Variants in FTH1 observed in about 807,000 individuals in gnomAD.
FTH1 encodes the protein ferritin heavy chain 1.
A neutral mutation model predicts 21.8 loss-of-function variants in FTH1; 3 were observed. That is an observed-to-expected ratio of 0.14 (90% CI 0.06 to 0.36). The LOEUF is 0.36. Ranked by LOEUF, FTH1 falls within the 10% of genes least tolerant of loss-of-function variation. The pLI is 1.00. For synonymous variants in FTH1, 83 were observed against 90.1 expected (o/e 0.92, Z 0.45); for missense variants, 147 against 225.8 (o/e 0.65, Z 2.24).
chr11:61,965,277 A>G (rs1942425743), intron 2 of FTH1, 92 bp downstream of exon 2: 2 of 1,596,214 alleles, frequency 1.3e-6, no homozygotes, highest in Non-Finnish European at 1.7e-6. Flanking sequence ...GTGTATCATC[A>G]CTTTATAAGG....
At chr11:61,966,612 C>T (rs1466049989) in intron 1 of FTH1, among the ~76,000 whole-genome samples, 1 of 152,144 alleles carries the variant, frequency 6.6e-6, no homozygotes, top group African/African-American at 2.4e-5. Context: ...TGGACTTTAT[C>T]CAAGAACTGG....
At position 61,964,557 on chromosome 11, in the gene FTH1, A is replaced by G; in HGVS notation, c.*170T>C. 3.8e-6 allele frequency: 3 copies of G among 782,494 alleles called. No homozygotes were observed. Among genetic ancestry groups the G allele is most frequent in the Non-Finnish European group, 6.2e-6 (3 of 480,948 alleles). The allele number at this position is 782,494 out of a possible 1,614,324, so 48.5% of individuals were successfully genotyped here. ...TCTGATTCATCCCAAGACCTCAAAG[A>G]CAACACCTGGGTACCAAATTTCTTT... On this transcript the variant is annotated 3_prime_UTR_variant, in exon 4 of 4. Transcript: ENST00000273550.
Position 61,964,381 on chromosome 11 carries a change from C to T in FTH1, c.*346G>A. 1.4e-6 allele frequency: 1 copy of T among 708,772 alleles called. No homozygotes were observed. The highest frequency in any genetic ancestry group is 1.8e-5 in the African/African-American group (1 of 55,942). 43.9% of individuals were successfully genotyped at this position (708,772 alleles called of 1,614,324 possible). On this transcript the variant is annotated 3_prime_UTR_variant, in exon 4 of 4. Coordinates refer to ENST00000273550, the MANE Select transcript of FTH1 (RefSeq NM_002032.3). ...GACTCTGGATTCAGAGTCGGGAACCCTTAGTTCTATCTGAATCCAAGACAG... is the reference window on the plus strand; with the variant it reads ...GACTCTGGATTCAGAGTCGGGAACCTTTAGTTCTATCTGAATCCAAGACAG...
At chr11:61,966,750 C>T (rs1942469803) in intron 1 of FTH1, among the ~76,000 whole-genome samples, 3 of 152,192 alleles carry the variant, frequency 2.0e-5, no homozygotes. Context: ...TAGAGATATG[C>T]TTCAAAGCAA....
rs1942394476 is a variant in FTH1 at position 61,964,627 on chromosome 11, G to A, written c.*100C>T. On this transcript the variant is annotated 3_prime_UTR_variant, in exon 4 of 4. Transcript: ENST00000273550. The stretch of plus-strand genomic sequence containing the variant: ...ATCAAAGAACTTAAGTGGATGTTTT[G>A]GTACAACTTATAGAAAAGGTAAAGG... The A allele has an allele frequency of 1.1e-5, 14 of 1,269,290 alleles. No homozygotes were observed. Among genetic ancestry groups the A allele is most frequent in the Non-Finnish European group, 1.6e-5 (14 of 888,374 alleles). 78.6% of individuals were successfully genotyped at this position (1,269,290 alleles called of 1,614,324 possible). A position where few individuals can be genotyped will look rare whatever the true frequency, so the allele number is the denominator to read the frequency against.
At chr11:61,965,159 C>G in intron 2 of FTH1, 47 bp from the exon 3 acceptor site, 1 of 1,602,244 alleles carries the variant, frequency 6.2e-7, no homozygotes, top group South Asian at 1.1e-5. Context: ...ACCTAGAAGT[C>G]AGCAAGCCCA....
chr11:61,965,605 G>C, intron 1 of FTH1, 90 bp from the exon 2 acceptor site: 1 of 1,434,014 alleles, frequency 7.0e-7, no homozygotes, highest in Non-Finnish European at 9.7e-7. Context: ...GGTCTCGTCA[G>C]CCTAGGCTTC....
chr11:61,965,785 G>C (rs1942442536), intron 1 of FTH1, among the ~76,000 whole-genome samples: 1 of 152,166 alleles, frequency 6.6e-6, no homozygotes, highest in South Asian at 2.1e-4. Context: ...ATTGCCTGGG[G>C]CAATGTCTTA....
intron 1 of FTH1, among the ~76,000 whole-genome samples, chr11:61,966,217 T>C (rs1213426401): frequency 6.6e-6 from 1 of 152,162 alleles, no homozygotes; most frequent in East Asian, 1.9e-4. Flanking sequence ...GAGGCTGCAG[T>C]GAGCCGAGAT....
Position 61,964,376 on chromosome 11 carries a change from G to A in FTH1, c.*351C>T. The A allele has an allele frequency of 4.1e-6, 3 of 729,058 alleles. No individual in the cohort carries two copies. Among genetic ancestry groups the A allele is most frequent in the Non-Finnish European group, 6.6e-6 (3 of 455,912 alleles). The allele number at this position is 729,058 out of a possible 1,614,324, so 45.2% of individuals were successfully genotyped here. On this transcript the variant is annotated 3_prime_UTR_variant, in exon 4 of 4. Coordinates refer to ENST00000273550, the MANE Select transcript of FTH1 (RefSeq NM_002032.3). ...ACTCAGACTCTGGATTCAGAGTCGG[G>A]AACCCTTAGTTCTATCTGAATCCAA...
At position 61,964,434 on chromosome 11, in the gene FTH1, A is replaced by G. The variant is rs1011603474; in HGVS notation, c.*293T>C. The G allele has an allele frequency of 1.3e-5, 8 of 614,702 alleles. No individual in the cohort carries two copies. Among genetic ancestry groups the G allele is most frequent in the Non-Finnish European group, 2.3e-5 (8 of 354,438 alleles). 38.1% of individuals were successfully genotyped at this position (614,702 alleles called of 1,614,324 possible). A position where few individuals can be genotyped will look rare whatever the true frequency, so the allele number is the denominator to read the frequency against. ...ACACCTTAGTATACTGCCCAAACTAATGAGTTTAATAAATACAAATACTCG... is the reference window on the plus strand; with the variant it reads ...ACACCTTAGTATACTGCCCAAACTAGTGAGTTTAATAAATACAAATACTCG... On this transcript the variant is annotated 3_prime_UTR_variant, in exon 4 of 4. Coordinates refer to ENST00000273550, the MANE Select transcript of FTH1 (RefSeq NM_002032.3).
chr11:61,966,057 G>C (rs947315941), intron 1 of FTH1, among the ~76,000 whole-genome samples: 4 of 152,154 alleles, frequency 2.6e-5, no homozygotes, highest in Non-Finnish European at 5.9e-5. Flanking sequence ...GGCGGATCAC[G>C]AGGTCAGCAG....
intron 1 of FTH1, among the ~76,000 whole-genome samples, chr11:61,966,798 C>T (rs948697522): frequency 6.6e-6 from 1 of 152,190 alleles, no homozygotes; most frequent in African/African-American, 2.4e-5. Flanking sequence ...GAGGTGGATA[C>T]GGCTGCTCGA....
intron 1 of FTH1, 59 bp from the exon 2 acceptor site, chr11:61,965,574 C>T (rs773950332): frequency 1.1e-5 from 17 of 1,583,968 alleles, no homozygotes; most frequent in Middle Eastern, 1.7e-4. Context: ...GTAGCTGTGA[C>T]GATCTACAGG....
Position 61,964,894 on chromosome 11 carries a change from G to A in FTH1, c.388-3C>T, listed in dbSNP as rs1485062174. The A allele has an allele frequency of 6.2e-7, 1 of 1,610,266 alleles. No homozygotes were observed. On this transcript the variant is annotated splice_polypyrimidine_tract_variant and splice_region_variant and intron_variant, in intron 3 of 3. Transcript: ENST00000273550. ...TGTGTCTCAATGAAGTCACACAACT[G>A]CAAAACAATGGGGAAGACAGTTAGT...
In FTH1 at chr11:61,964,699, C is replaced by T. The variant is rs767733527; in HGVS notation, c.*28G>A. 15 of 1,597,418 alleles carry T rather than the reference C, an allele frequency of 9.4e-6. No homozygotes were observed. The highest frequency in any genetic ancestry group is 1.3e-5 in the Non-Finnish European group (15 of 1,179,732). On this transcript the variant is annotated 3_prime_UTR_variant, in exon 4 of 4. Coordinates refer to ENST00000273550, the MANE Select transcript of FTH1 (RefSeq NM_002032.3). ...GCCTTGGTGACCAGGGAAGTCACCC[C>T]ACGGCTATGGGGAAATTAGCCCGAG...
chr11:61,967,133 C>T (rs1942478092), intron 1 of FTH1, 179 bp downstream of exon 1: 1 of 433,398 alleles, frequency 2.3e-6, no homozygotes. Context: ...CCGAGAAGAA[C>T]CAGCTGCCCC....
At chr11:61,967,150 C>A (rs1942478327) in intron 1 of FTH1, 162 bp downstream of exon 1, 1 of 445,682 alleles carries the variant, frequency 2.2e-6, no homozygotes, top group Non-Finnish European at 3.9e-6. Context: ...CCCCGACTTT[C>A]TGCGCCAGAG....
chr11:61,967,439 G>A lies in FTH1; in HGVS notation c.-14C>T, dbSNP rs925625825. 142 of 1,571,504 alleles carry A rather than the reference G, an allele frequency of 9.0e-5. No homozygotes were observed. Among genetic ancestry groups the A allele is most frequent in the Non-Finnish European group, 1.1e-4 (129 of 1,155,710 alleles). ...CGCGGTCGTCATGGCGGCGACTAAG[G>A]AGAGGCGGCGGCGGCGGCGGTGGCT... On this transcript the variant is annotated 5_prime_UTR_variant, in exon 1 of 4. Transcript: ENST00000273550.
Sources: gnomAD v4.1 joint callset for allele counts (sites outside exome capture counted in the v4.1 genomes callset) on GRCh38, gnomAD v4.1.1 for gene constraint, MANE v1.5 for transcripts, NCBI Gene and HGNC (gene_info 2026-07-23, HGNC 2026-07-21) for gene names.